The following FBXO9 variants were observed in gnomAD, a reference collection of about 807,000 sequenced individuals.
FBXO9 encodes F-box protein 9.
A neutral mutation model predicts 63.7 loss-of-function variants in FBXO9; 43 were observed. The observed-to-expected ratio is 0.67, with a 90% CI of 0.53 to 0.87. The LOEUF is 0.87. FBXO9 is among the 40% of genes least tolerant of loss of function. The pLI is 0.00. For synonymous variants in FBXO9, 156 were observed against 171.7 expected (o/e 0.91, Z 0.72); for missense variants, 442 against 533.2 (o/e 0.83, Z 1.68).
chr6:53,071,180 A>G (rs1195126384), intron 2 of FBXO9, 37 bp downstream of exon 2: 4 of 1,532,372 alleles, frequency 2.6e-6, no homozygotes, highest in Non-Finnish European at 3.5e-6. Flanking sequence ...TTTTTATTCC[A>G]TTGTTCCCAT....
At position 53,100,631 on chromosome 6, in the gene FBXO9, C is replaced by T. The variant is rs1763323658; in HGVS notation, c.*2801C>T. On this transcript the variant is annotated 3_prime_UTR_variant, in exon 13 of 13. Transcript: ENST00000323557. Reference sequence around the variant, plus strand: ...CCTTGAATCCTCAATCCCAGGCCCTCTACTAACCACTCTCAACCTATGGTA... The same window carrying T: ...CCTTGAATCCTCAATCCCAGGCCCTTTACTAACCACTCTCAACCTATGGTA... 6.6e-6 allele frequency: 1 copy of T among 152,112 alleles called. No homozygotes were observed. The highest frequency in any genetic ancestry group is 1.5e-5 in the Non-Finnish European group (1 of 68,032). The allele number at this position is 152,112 out of a possible 1,614,324, so 9.4% of individuals were successfully genotyped here. A position where few individuals can be genotyped will look rare whatever the true frequency, so the allele number is the denominator to read the frequency against.
rs41273864 is a variant in FBXO9 at position 53,071,293 on chromosome 6, G to C, written c.90+150G>C. The C allele has an allele frequency of 8.9e-3, 6,529 of 735,008 alleles. 48 individuals carry two copies. Among genetic ancestry groups the C allele is most frequent in the Non-Finnish European group, 0.012 (5,572 of 470,640 alleles). The allele number at this position is 735,008 out of a possible 1,614,324, so 45.5% of individuals were successfully genotyped here. On this transcript the variant is annotated intron_variant, in intron 2 of 12. Transcript: ENST00000323557. ...TGGTTTATAGAATACTTAAAACTAT[G>C]TTATGGCTTTCTTTGTGAAAAGAAA...
Position 53,086,572 on chromosome 6 carries a change from G to A in FBXO9, c.653+3954G>A, listed in dbSNP as rs574689729. On this transcript the variant is annotated intron_variant, in intron 7 of 12. Coordinates refer to ENST00000323557, the MANE Select transcript of FBXO9 (RefSeq NM_033480.3). ...TAAAAGGGTACTTGAATTTACTTAG[G>A]GACAGGAAGTATCCAGGGTTATATG... Among the ~76,000 whole-genome samples, 104 of 152,180 alleles carry A rather than the reference G, an allele frequency of 6.8e-4. 1 individual carries two copies. The highest frequency in any genetic ancestry group is 3.4e-3 in the Middle Eastern group (1 of 294).
chr6:53,092,214 T>TCAC, intron 7 of FBXO9: 1 of 472,316 alleles, frequency 2.1e-6, no homozygotes, highest in East Asian at 3.6e-5. Context: ...GTTGGTTGAT[T>TCAC]TTTGCACTAA....
chr6:53,074,371 G>A (rs1222167722), intron 3 of FBXO9, among the ~76,000 whole-genome samples: 1 of 152,130 alleles, frequency 6.6e-6, no homozygotes, highest in East Asian at 1.9e-4. Context: ...AGGTCCACAG[G>A]TATAGGGAAG....
At chr6:53,065,149 T>C (rs1768636905), upstream of FBXO9, 1 of 152,262 alleles carries the variant, frequency 6.6e-6, no homozygotes, top group African/African-American at 2.4e-5. Context: ...AGTTCGATGC[T>C]TCTCAGGGCG....
At chr6:53,090,756 CTG>C (rs1440379550) in intron 7 of FBXO9, 1 of 152,210 alleles carries the variant, frequency 6.6e-6, no homozygotes, top group Non-Finnish European at 1.5e-5. Flanking sequence ...TCATGGCTCA[CTG>C]CAGCCTCAAA....
chr6:53,086,683 G>A (rs1192204719), intron 7 of FBXO9, among the ~76,000 whole-genome samples: 2 of 152,168 alleles, frequency 1.3e-5, no homozygotes, highest in East Asian at 3.9e-4. Context: ...GAAGTTTCCT[G>A]GTTACATGGA....
chr6:53,082,394 A>G (rs956958253), intron 6 of FBXO9, 110 bp from the exon 7 acceptor site: 2 of 641,028 alleles, frequency 3.1e-6, no homozygotes, highest in Non-Finnish European at 5.5e-6. Context: ...TCTGAGCAAT[A>G]CAGAGGGTGT....
At chr6:53,072,018 T>TG (rs751357500) in intron 2 of FBXO9, among the ~76,000 whole-genome samples, 1 of 152,122 alleles carries the variant, frequency 6.6e-6, no homozygotes, top group Non-Finnish European at 1.5e-5. Context: ...GAAAAAAAGT[T>TG]GCTGTAACTA....
intron 3 of FBXO9, among the ~76,000 whole-genome samples, chr6:53,074,310 C>CTCAT (rs964722343): frequency 2.6e-5 from 4 of 152,166 alleles, no homozygotes; most frequent in Non-Finnish European, 5.9e-5. Context: ...TTGGCATTAC[C>CTCAT]ATGATGACTT....
Position 53,082,495 on chromosome 6 carries a change from C to A in FBXO9, c.539-9C>A. 1 of 1,595,326 alleles carries A rather than the reference C, an allele frequency of 6.3e-7. No individual in the cohort carries two copies. The highest frequency in any genetic ancestry group is 8.6e-7 in the Non-Finnish European group (1 of 1,164,690). Reference sequence around the variant, plus strand: ...AGGAGAGTCACTGAAGGATGATTTTCTTTTGCAGTGCTGCCAATGGAGGTC... The same window carrying A: ...AGGAGAGTCACTGAAGGATGATTTTATTTTGCAGTGCTGCCAATGGAGGTC... On this transcript the variant is annotated splice_polypyrimidine_tract_variant and intron_variant, in intron 6 of 12. Transcript: ENST00000323557.
intron 4 of FBXO9, among the ~76,000 whole-genome samples, chr6:53,076,846 CAG>C (rs1769131103): frequency 6.6e-6 from 1 of 150,978 alleles, no homozygotes; most frequent in African/African-American, 2.4e-5. Flanking sequence ...TTGGTTGAAT[CAG>C]AGAATGTGAA....
intron 2 of FBXO9, among the ~76,000 whole-genome samples, chr6:53,072,218 TTTA>T (rs1355949879): frequency 6.8e-6 from 1 of 147,294 alleles, no homozygotes; most frequent in African/African-American, 2.5e-5. Flanking sequence ...TACGTCTTTT[TTTA>T]AAAAAAAAAA....
chr6:53,087,714 A>C (rs1279984900), intron 7 of FBXO9, among the ~76,000 whole-genome samples: 2 of 152,262 alleles, frequency 1.3e-5, no homozygotes, highest in African/African-American at 4.8e-5. Flanking sequence ...GTAGTTTTGC[A>C]GATGGCTGTT....
intron 3 of FBXO9, among the ~76,000 whole-genome samples, chr6:53,075,106 A>G (rs1297297508): frequency 6.6e-6 from 1 of 152,032 alleles, no homozygotes; most frequent in Non-Finnish European, 1.5e-5. Context: ...ATCAGCATTT[A>G]GTGTTGCTAC....
At chr6:53,092,050 A>G (rs1562073804) in intron 7 of FBXO9, 1 of 188,538 alleles carries the variant, frequency 5.3e-6, no homozygotes, top group Non-Finnish European at 1.1e-5. Flanking sequence ...GGATGAGCCC[A>G]CCAGTCACAC....
Position 53,093,471 on chromosome 6 carries a change from T to A in FBXO9, c.869T>A (p.Ile290Lys), listed in dbSNP as rs1213563661. The A allele has an allele frequency of 1.2e-6, 2 of 1,612,614 alleles. No homozygotes were observed. The highest frequency in any genetic ancestry group is 1.7e-6 in the Non-Finnish European group (2 of 1,178,766). ...AWHQVEYYRY[I>K]RFFPDGHVMM... The stretch of plus-strand genomic sequence containing the variant: ...TTCCTTTTCTTATTACATAGGTACA[T>A]AAGATTCTTTCCTGATGGCCATGTG... Residue 290 changes from isoleucine (I) to lysine (K), a missense_variant, in exon 10 of 13, where the codon ATA (isoleucine) becomes AAA (lysine). Transcript: ENST00000323557.
At position 53,097,916 on chromosome 6, in the gene FBXO9, GCGTGTGTGTGTATATATA is replaced by G. The variant is rs1378143327; in HGVS notation, c.*87_*104del. The G allele has an allele frequency of 8.6e-5, 2 of 23,264 alleles. No individual in the cohort carries two copies. The highest frequency in any genetic ancestry group is 2.7e-3 in the East Asian group (2 of 738). 1.4% of individuals were successfully genotyped at this position (23,264 alleles called of 1,614,324 possible). A position where few individuals can be genotyped will look rare whatever the true frequency, so the allele number is the denominator to read the frequency against. ...ACCTAAGTTATAAATGTGTGTGTGT[GCGTGTGTGTGTATATATA>G]TATATATATATATATATATATATAT... On this transcript the variant is annotated 3_prime_UTR_variant, in exon 13 of 13. Coordinates refer to ENST00000323557, the MANE Select transcript of FBXO9 (RefSeq NM_033480.3).
Sources: allele counts gnomAD v4.1 joint callset (sites outside exome capture counted in the v4.1 genomes callset), GRCh38; gene constraint gnomAD v4.1.1; transcripts MANE v1.5; gene names NCBI Gene and HGNC (gene_info 2026-07-23, HGNC 2026-07-21).